The following MYO16 variants were observed in gnomAD, a reference collection of about 807,000 sequenced individuals.
MYO16 encodes the protein myosin XVI.
Under a neutral mutation model 205.3 loss-of-function variants are expected in MYO16, and 94 were observed. The ratio of observed to expected loss-of-function variants is 0.46; its 90% CI spans 0.39 to 0.54. The LOEUF (loss-of-function observed/expected upper bound fraction) is 0.54. MYO16 is among the 20% of genes least tolerant of loss of function. MYO16 has a pLI of 0.00. For synonymous variants in MYO16, 988 were observed against 954.0 expected (o/e 1.04, Z -0.66); for missense variants, 2,315 against 2,387.5 (o/e 0.97, Z 0.63).
chr13:108,878,664 C>G (rs1401859070), intron 12 of MYO16, among the ~76,000 whole-genome samples: 1 of 152,238 alleles, frequency 6.6e-6, no homozygotes, highest in African/African-American at 2.4e-5. Context: ...GACAGCAAAG[C>G]TAAAAGAGTA....
At chr13:108,554,848 TAAAA>T in the MYO16 span, among the ~76,000 whole-genome samples, 2 of 77,966 alleles carry the variant, frequency 2.6e-5, no homozygotes, top group Non-Finnish European at 5.0e-5. Context: ...AGACTCTGAC[TAAAA>T]AAAAAAAAAA....
intron 13 of MYO16, among the ~76,000 whole-genome samples, chr13:108,885,391 A>G (rs1247901928): frequency 6.6e-6 from 1 of 152,022 alleles, no homozygotes; most frequent in Non-Finnish European, 1.5e-5. Context: ...AAGTGCTGGG[A>G]TTACAGGTGT....
intron 17 of MYO16, among the ~76,000 whole-genome samples, chr13:108,961,250 C>T (rs1028715153): frequency 2.6e-5 from 4 of 152,138 alleles, no homozygotes; most frequent in African/African-American, 9.7e-5. Context: ...TTTGTTATTA[C>T]AATTATCTAC....
chr13:108,675,455 T>A (rs1882160940), intron 2 of MYO16, among the ~76,000 whole-genome samples: 2 of 152,262 alleles, frequency 1.3e-5, no homozygotes, highest in South Asian at 4.1e-4. Context: ...ATGAAGTGAA[T>A]GTATGGCTTA....
intron 2 of MYO16, among the ~76,000 whole-genome samples, chr13:108,690,236 C>A (rs572311739): frequency 6.6e-6 from 1 of 151,858 alleles, no homozygotes; most frequent in Admixed American, 6.6e-5. Flanking sequence ...ACTGAACAGC[C>A]ATCCTTTATT....
chr13:108,904,691 TCTC>T (rs1880875621), intron 15 of MYO16, among the ~76,000 whole-genome samples: 1 of 152,078 alleles, frequency 6.6e-6, no homozygotes, highest in African/African-American at 2.4e-5. Context: ...TAAACTTTCT[TCTC>T]CTTCAAGAAA....
intron 1 of MYO16, among the ~76,000 whole-genome samples, chr13:108,637,045 C>T (rs992938239): frequency 1.8e-4 from 28 of 152,170 alleles, no homozygotes; most frequent in African/African-American, 6.3e-4. Context: ...GTGTCCATAT[C>T]CAGATCTGTT....
intron 1 of MYO16, among the ~76,000 whole-genome samples, chr13:108,655,512 G>T (rs1881203210): frequency 6.6e-6 from 1 of 152,184 alleles, no homozygotes; most frequent in Admixed American, 6.5e-5. Flanking sequence ...GGGCAGTGTG[G>T]AAGGGAAATG....
intron 4 of MYO16, among the ~76,000 whole-genome samples, chr13:108,766,065 C>T (rs1485425167): frequency 6.6e-6 from 1 of 152,058 alleles, no homozygotes; most frequent in Non-Finnish European, 1.5e-5. Context: ...GTACATAGTT[C>T]CTTAATGAAT....
intron 34 of MYO16, among the ~76,000 whole-genome samples, chr13:109,204,099 A>G (rs1026165776): frequency 2.0e-5 from 3 of 152,192 alleles, no homozygotes; most frequent in African/African-American, 7.2e-5. Flanking sequence ...AATTCTCTCC[A>G]TTTGTCAGAA....
intron 34 of MYO16, among the ~76,000 whole-genome samples, chr13:109,195,923 A>G (rs183114459): frequency 6.6e-6 from 1 of 152,328 alleles, no homozygotes; most frequent in East Asian, 1.9e-4. Flanking sequence ...CCTAGACCTC[A>G]TAATTGTCCA....
intron 1 of MYO16, among the ~76,000 whole-genome samples, chr13:108,631,503 T>C (rs1879980229): frequency 6.6e-6 from 1 of 152,226 alleles, no homozygotes; most frequent in Admixed American, 6.5e-5. Context: ...AGCATGCTAG[T>C]ATAAGAGATG....
chr13:108,844,374 G>T lies in MYO16; in HGVS notation c.1129G>T (p.Asp377Tyr), dbSNP rs1283781187. The T allele has an allele frequency of 6.2e-7, 1 of 1,613,208 alleles. No homozygotes were observed. ...CCTGGTGTTACCAATTGCCAAGCAA[G>T]ACAGTTTGTTGGAAAAAGACATTAT... ...SPLVLPIAKQ[D>Y]SLLEKDIMFK... Residue 377 changes from aspartate to tyrosine, a missense_variant, in exon 10 of 35, where the codon GAC (aspartate) becomes TAC (tyrosine). Coordinates refer to ENST00000457511, the MANE Select transcript of MYO16 (RefSeq NM_001198950.3).
chr13:108,761,749 T>C (rs555559850), intron 4 of MYO16, among the ~76,000 whole-genome samples: 1 of 152,326 alleles, frequency 6.6e-6, no homozygotes, highest in Admixed American at 6.5e-5. Context: ...AAGGTCTGTT[T>C]GTCCCCACCT....
intron 12 of MYO16, among the ~76,000 whole-genome samples, chr13:108,880,010 C>T (rs1353079322): frequency 3.3e-5 from 5 of 152,194 alleles, no homozygotes; most frequent in East Asian, 1.9e-4. Flanking sequence ...TCTCCACATC[C>T]TCTCCAGCAC....
intron 12 of MYO16, among the ~76,000 whole-genome samples, chr13:108,874,705 T>C (rs995063294): frequency 1.9e-3 from 218 of 111,988 alleles, no homozygotes; most frequent in Middle Eastern, 0.011. Flanking sequence ...TCATTATTAT[T>C]ATTATTATTA....
chr13:108,812,182 G>A (rs1007211711), intron 7 of MYO16, among the ~76,000 whole-genome samples: 2 of 152,078 alleles, frequency 1.3e-5, no homozygotes, highest in Non-Finnish European at 2.9e-5. Flanking sequence ...CTAATGCTCG[G>A]AATTTGCATA....
rs1566473258 is a variant in MYO16 at position 109,033,535 on chromosome 13, CAG to C, written c.2797-13378_2797-13377del. Among the ~76,000 whole-genome samples, 7 of 152,254 alleles carry C rather than the reference CAG, an allele frequency of 4.6e-5. No individual in the cohort carries two copies. In the South Asian group the frequency reaches 1.0e-3, roughly 23 times the overall value. ...AGTTTCTCAGCTGTCAGCAACAAGACAGAGTAGACAAAACAAGAAAATGGAAA... is the reference window on the plus strand; with the variant it reads ...AGTTTCTCAGCTGTCAGCAACAAGACAGTAGACAAAACAAGAAAATGGAAA... On this transcript the variant is annotated intron_variant, in intron 23 of 34. Coordinates refer to ENST00000457511, the MANE Select transcript of MYO16 (RefSeq NM_001198950.3).
At chr13:108,894,745 A>G (rs1316363751) in intron 14 of MYO16, among the ~76,000 whole-genome samples, 1 of 152,178 alleles carries the variant, frequency 6.6e-6, no homozygotes, top group Admixed American at 6.5e-5. Flanking sequence ...CACTTTACCC[A>G]CTGGGTAGAT....
Sources: allele counts gnomAD v4.1 joint callset (sites outside exome capture counted in the v4.1 genomes callset), GRCh38; gene constraint gnomAD v4.1.1; transcripts MANE v1.5; gene names NCBI Gene and HGNC (gene_info 2026-07-23, HGNC 2026-07-21).